THRB: variants seen among roughly 807,000 people sequenced by gnomAD.
The protein encoded by THRB is nuclear receptor subfamily 1 group A member 2.
Under a neutral mutation model 47.8 loss-of-function variants are expected in THRB, and 12 were observed. The ratio of observed to expected loss-of-function variants is 0.25; its 90% CI spans 0.16 to 0.41. The LOEUF (loss-of-function observed/expected upper bound fraction) is 0.41. Among genes scored for constraint, THRB ranks in the 10% least tolerant of loss-of-function variants. The pLI is 1.00. For synonymous variants in THRB, 218 were observed against 212.2 expected (o/e 1.03, Z -0.24); for missense variants, 348 against 589.2 (o/e 0.59, Z 4.24).
At chr3:24,237,571 C>T (rs1254634280) in intron 3 of THRB, among the ~76,000 whole-genome samples, 1 of 152,144 alleles carries the variant, frequency 6.6e-6, no homozygotes, top group African/African-American at 2.4e-5. Flanking sequence ...TTCCACCTCT[C>T]TCCCAGACAA....
chr3:24,406,642 C>T (rs544812883), intron 1 of THRB, among the ~76,000 whole-genome samples: 10 of 151,350 alleles, frequency 6.6e-5, no homozygotes, highest in Non-Finnish European at 1.3e-4. Flanking sequence ...GAGATAGTCA[C>T]ATGTTTTTCT....
intron 3 of THRB, among the ~76,000 whole-genome samples, chr3:24,277,265 G>A (rs1017282073): frequency 6.6e-6 from 1 of 152,092 alleles, no homozygotes; most frequent in African/African-American, 2.4e-5. Flanking sequence ...GGGTGCCACG[G>A]GCATCTAGTG....
At chr3:24,411,682 G>C (rs1320286901) in intron 1 of THRB, among the ~76,000 whole-genome samples, 1 of 151,692 alleles carries the variant, frequency 6.6e-6, no homozygotes, top group Non-Finnish European at 1.5e-5. Flanking sequence ...AGAGACATTT[G>C]GCAATACCTG....
chr3:24,311,090 G>A (rs994745658), intron 2 of THRB, among the ~76,000 whole-genome samples: 1 of 152,080 alleles, frequency 6.6e-6, no homozygotes, highest in Admixed American at 6.6e-5. Flanking sequence ...ACACCACACA[G>A]CCTAGACACT....
chr3:24,131,265 G>A (rs1290491192), intron 9 of THRB, among the ~76,000 whole-genome samples: 1 of 152,178 alleles, frequency 6.6e-6, no homozygotes, highest in East Asian at 1.9e-4. Context: ...CCAAAATCTT[G>A]TGGTAGTGTT....
At chr3:24,207,411 T>A (rs1202826140) in intron 4 of THRB, among the ~76,000 whole-genome samples, 1 of 152,176 alleles carries the variant, frequency 6.6e-6, no homozygotes, top group African/African-American at 2.4e-5. Context: ...ATTATCTCAA[T>A]AGATGCAGAA....
chr3:24,391,380 C>T (rs1211441475), intron 1 of THRB, among the ~76,000 whole-genome samples: 1 of 152,146 alleles, frequency 6.6e-6, no homozygotes, highest in African/African-American at 2.4e-5. Context: ...ACATTTGTGG[C>T]AATGAAAACG....
intron 4 of THRB, among the ~76,000 whole-genome samples, chr3:24,211,553 C>T (rs964971376): frequency 1.3e-5 from 2 of 152,200 alleles, no homozygotes; most frequent in Non-Finnish European, 2.9e-5. Flanking sequence ...ATTTGGATGG[C>T]ACACTGTGTA....
chr3:24,137,590 C>T (rs1258013726), intron 8 of THRB, among the ~76,000 whole-genome samples: 1 of 152,058 alleles, frequency 6.6e-6, no homozygotes, highest in African/African-American at 2.4e-5. Context: ...AGTGCAAAGT[C>T]CCAAAGCCAG....
intron 3 of THRB, among the ~76,000 whole-genome samples, chr3:24,240,960 C>T (rs1188441840): frequency 6.6e-6 from 1 of 152,154 alleles, no homozygotes; most frequent in South Asian, 2.1e-4. Flanking sequence ...CACGGTCAGC[C>T]TTCTCTAGAA....
chr3:24,253,469 A>G (rs2050875953), intron 3 of THRB, among the ~76,000 whole-genome samples: 1 of 152,200 alleles, frequency 6.6e-6, no homozygotes, highest in South Asian at 2.1e-4. Context: ...TAAACAAATA[A>G]ATGTCACATG....
intron 2 of THRB, among the ~76,000 whole-genome samples, chr3:24,312,026 C>T (rs1251203750): frequency 1.3e-5 from 2 of 152,218 alleles, no homozygotes; most frequent in Middle Eastern, 3.2e-3. Flanking sequence ...TTCTGGGTTC[C>T]ATGAAAGTGT....
intron 1 of THRB, among the ~76,000 whole-genome samples, chr3:24,390,962 A>G (rs2066525635): frequency 6.6e-6 from 1 of 152,028 alleles, no homozygotes; most frequent in African/African-American, 2.4e-5. Flanking sequence ...CCTGCAGACA[A>G]TTTCCCTCAG....
At chr3:24,380,424 G>A (rs554410098) in intron 1 of THRB, among the ~76,000 whole-genome samples, 145 of 151,772 alleles carry the variant, frequency 9.6e-4, no homozygotes, top group African/African-American at 3.4e-3. Flanking sequence ...GATACTCAGC[G>A]TTCCTTAAAC....
At chr3:24,394,529 T>G (rs1197122520) in intron 1 of THRB, among the ~76,000 whole-genome samples, 1 of 152,074 alleles carries the variant, frequency 6.6e-6, no homozygotes, top group Non-Finnish European at 1.5e-5. Flanking sequence ...ACTTTGGACT[T>G]TTTGGAGGGA....
chr3:24,128,863 C>CTTTTTTTTTT (rs57890674), intron 9 of THRB, among the ~76,000 whole-genome samples: 3,607 of 86,836 alleles, frequency 0.042, 603 homozygotes, highest in Non-Finnish European at 0.064. Context: ...AAACATAACT[C>CTTTTTTTTTT]TTTTTTTTTT....
Position 24,345,520 on chromosome 3 carries a change from T to G in THRB, c.-260-8149A>C, listed in dbSNP as rs552632436. Among the ~76,000 whole-genome samples the G allele has an allele frequency of 2.0e-5, 3 of 152,278 alleles. No homozygotes were observed. The South Asian group carries it at 6.2e-4, about 32-fold the overall frequency. On this transcript the variant is annotated intron_variant, in intron 1 of 10. Transcript: ENST00000646209. ...GCATGCAGAGTGCAGCAAACTACTC[T>G]GTGCCTCAAGTTCCGTAATAGGACA...
At chr3:24,292,300 T>A (rs961669041) in intron 3 of THRB, among the ~76,000 whole-genome samples, 2 of 152,188 alleles carry the variant, frequency 1.3e-5, no homozygotes, top group Non-Finnish European at 1.5e-5. Context: ...AACTGCTCAA[T>A]GTTATTACTA....
At chr3:24,182,882 T>C (rs773604441) in intron 5 of THRB, among the ~76,000 whole-genome samples, 7 of 152,214 alleles carry the variant, frequency 4.6e-5, no homozygotes, top group Non-Finnish European at 1.0e-4. Context: ...TAGAGCAGTA[T>C]TTCCTCTGCA....
Sources: gnomAD v4.1 joint callset for allele counts (sites outside exome capture counted in the v4.1 genomes callset) on GRCh38, gnomAD v4.1.1 for gene constraint, MANE v1.5 for transcripts, NCBI Gene and HGNC (gene_info 2026-07-23, HGNC 2026-07-21) for gene names.